The following MYT1L variants were observed in gnomAD, a reference collection of about 807,000 sequenced individuals.
The protein encoded by MYT1L is myelin transcription factor 1 like.
MYT1L carries 12 observed loss-of-function variants against 126.7 expected under a neutral mutation model. That is an observed-to-expected ratio of 0.09 (90% CI 0.06 to 0.15). The LOEUF (loss-of-function observed/expected upper bound fraction) is 0.15. Among genes scored for constraint, MYT1L ranks in the 10% least tolerant of loss-of-function variants. MYT1L has a pLI of 1.00. For missense variants in MYT1L, 979 were observed against 1,585.2 expected, an observed-to-expected ratio of 0.62 and a Z score of 6.49; for synonymous variants, 541 against 604.2, an observed-to-expected ratio of 0.90 and a Z score of 1.53.
rs562771739 is a variant in MYT1L, at chr2:2,159,889, T to G, written c.-304+12983A>C. Among the ~76,000 whole-genome samples, 30 of 152,164 alleles carry G rather than the reference T, an allele frequency of 2.0e-4. 2 individuals are homozygous for G. The highest frequency in any genetic ancestry group is 6.7e-4 in the African/African-American group (28 of 41,516). On this transcript the variant is annotated intron_variant, in intron 3 of 24. Coordinates refer to ENST00000647738, the MANE Select transcript of MYT1L (RefSeq NM_001303052.2). ...TTTCTCTCCTTACCCTCATAAACAC[T>G]CAGCAGGCTGTGAGTGAATTCAAAA...
At chr2:1,804,520 A>G (rs1458322919) in intron 22 of MYT1L, among the ~76,000 whole-genome samples, 1 of 152,234 alleles carries the variant, frequency 6.6e-6, no homozygotes, top group Admixed American at 6.5e-5. Context: ...GGGCCCAGCC[A>G]AAAAGCAGCA....
chr2:2,262,414 AGGGCGCGGT>A (rs2094992915), intron 2 of MYT1L, among the ~76,000 whole-genome samples: 1 of 151,730 alleles, frequency 6.6e-6, no homozygotes, highest in African/African-American at 2.4e-5. Context: ...ATAATTAGGC[AGGGCGCGGT>A]GGCTCACGCC....
intron 2 of MYT1L, among the ~76,000 whole-genome samples, chr2:2,263,990 A>C (rs2095057844): frequency 6.6e-6 from 1 of 152,332 alleles, no homozygotes; most frequent in Non-Finnish European, 1.5e-5. Flanking sequence ...GACCGCTAAT[A>C]CTTAAGTGAT....
chr2:2,108,741 A>G (rs554861059), intron 3 of MYT1L, among the ~76,000 whole-genome samples: 17 of 152,050 alleles, frequency 1.1e-4, no homozygotes, highest in African/African-American at 4.1e-4. Flanking sequence ...TATTATTTTT[A>G]TTTTGTTTTA....
intron 3 of MYT1L, among the ~76,000 whole-genome samples, chr2:2,168,328 C>G (rs2089494777): frequency 6.6e-6 from 1 of 152,192 alleles, no homozygotes; most frequent in Admixed American, 6.5e-5. Flanking sequence ...AGCCAAGTGA[C>G]AAGTCATAGC....
chr2:2,201,062 A>G (rs558618995), intron 2 of MYT1L, among the ~76,000 whole-genome samples: 1 of 152,306 alleles, frequency 6.6e-6, no homozygotes, highest in South Asian at 2.1e-4. Context: ...CTAGAGTTGC[A>G]TTCTACACCA....
intron 3 of MYT1L, among the ~76,000 whole-genome samples, chr2:2,092,135 G>C (rs918150460): frequency 2.0e-5 from 3 of 152,172 alleles, no homozygotes; most frequent in African/African-American, 7.2e-5. Flanking sequence ...CTTTTGACCT[G>C]TCTTAGGTTT....
rs2093946575 is a variant in MYT1L, at chr2:2,223,892, A to C, written c.-420-50904T>G. 3.3e-5 allele frequency among the ~76,000 whole-genome samples: 5 copies of C among 152,342 alleles called. No individual in the cohort carries two copies. In the South Asian group the frequency reaches 1.0e-3, roughly 32 times the overall value. ...GTGAAAATGGACCTCAGCTGGAGGCACTCCACCACCAAGCCTCCTCCAGGT... is the reference window on the plus strand; with the variant it reads ...GTGAAAATGGACCTCAGCTGGAGGCCCTCCACCACCAAGCCTCCTCCAGGT... On this transcript the variant is annotated intron_variant, in intron 2 of 24. Transcript: ENST00000647738.
At chr2:2,204,842 G>C (rs1172464678) in intron 2 of MYT1L, among the ~76,000 whole-genome samples, 3 of 152,020 alleles carry the variant, frequency 2.0e-5, no homozygotes, top group African/African-American at 7.3e-5. Flanking sequence ...ATTCACAATA[G>C]CTAAGACTTG....
intron 2 of MYT1L, among the ~76,000 whole-genome samples, chr2:2,203,290 A>G (rs1207745478): frequency 1.3e-5 from 2 of 149,864 alleles, no homozygotes; most frequent in Non-Finnish European, 3.0e-5. Flanking sequence ...GGCAGGAGAA[A>G]GAAATAAAGG....
At chr2:2,295,197 G>C (rs1400563580) in intron 1 of MYT1L, among the ~76,000 whole-genome samples, 1 of 152,204 alleles carries the variant, frequency 6.6e-6, no homozygotes, top group African/African-American at 2.4e-5. Flanking sequence ...GCCAGGATCA[G>C]AGCTCTGTAG....
intron 8 of MYT1L, among the ~76,000 whole-genome samples, chr2:1,954,690 C>A (rs1379912482): frequency 1.3e-5 from 2 of 151,962 alleles, no homozygotes; most frequent in African/African-American, 4.8e-5. Flanking sequence ...TCCAGGGACC[C>A]CTGAAGTTAC....
intron 2 of MYT1L, among the ~76,000 whole-genome samples, chr2:2,235,715 T>C (rs13415462): frequency 0.68 from 103,448 of 152,036 alleles, 36,202 homozygotes; most frequent in East Asian, 0.97. Flanking sequence ...AATACATCAC[T>C]GCCTTGGTCA....
intron 5 of MYT1L, among the ~76,000 whole-genome samples, chr2:1,993,018 A>G (rs980121587): frequency 3.3e-5 from 5 of 152,050 alleles, no homozygotes; most frequent in African/African-American, 9.7e-5. Context: ...CCACCTCCCT[A>G]TGATCTCATC....
chr2:2,197,552 T>TACATACATGCAC (rs886741320), intron 2 of MYT1L, among the ~76,000 whole-genome samples: 6 of 151,032 alleles, frequency 4.0e-5, no homozygotes, highest in African/African-American at 1.5e-4. Context: ...CATATATACA[T>TACATACATGCAC]ACATACATGC....
Position 1,943,930 on chromosome 2 carries a change from C to G in MYT1L, c.153-596G>C, listed in dbSNP as rs1468553636. ...GAAAGCAACTGCATCATTCAAAGTT[C>G]TGCAGAACTTCCTCAGTCTTAGATG... On this transcript the variant is annotated intron_variant, in intron 8 of 24. Transcript: ENST00000647738. This position sits in a 1 kb window ranked among gnomAD's most constrained non-coding sequence, Gnocchi z 4.4. Among the ~76,000 whole-genome samples, 2 of 152,140 alleles carry G rather than the reference C, an allele frequency of 1.3e-5. No individual in the cohort carries two copies. The highest frequency in any genetic ancestry group is 3.9e-4 in the East Asian group (2 of 5,180).
intron 3 of MYT1L, among the ~76,000 whole-genome samples, chr2:2,095,147 C>T (rs62116724): frequency 2.9e-4 from 44 of 152,202 alleles, no homozygotes; most frequent in Non-Finnish European, 5.7e-4. Context: ...GAGGGAGAAG[C>T]GCTGTGTCCC....
At chr2:1,800,643 C>T (rs992465873) in intron 23 of MYT1L, among the ~76,000 whole-genome samples, 1 of 152,172 alleles carries the variant, frequency 6.6e-6, no homozygotes, top group African/African-American at 2.4e-5. Flanking sequence ...TTGACCACAC[C>T]CGGCTGACTA....
intron 14 of MYT1L, among the ~76,000 whole-genome samples, chr2:1,898,950 C>T (rs1447315650): frequency 6.6e-6 from 1 of 152,080 alleles, no homozygotes. Context: ...GTCTGTGTGG[C>T]CAGGAGGGCA....
Sources: allele counts gnomAD v4.1 joint callset (sites outside exome capture counted in the v4.1 genomes callset), GRCh38; gene constraint gnomAD v4.1.1; non-coding constraint Gnocchi (gnomAD v3.1); transcripts MANE v1.5; gene names NCBI Gene and HGNC (gene_info 2026-07-23, HGNC 2026-07-21).